Variants in ERICH3 observed in about 807,000 individuals in gnomAD.
ERICH3 encodes the protein glutamate-rich protein 3.
Under a neutral mutation model 131.1 loss-of-function variants are expected in ERICH3, and 126 were observed. That is an observed-to-expected ratio of 0.96 (90% CI 0.83 to 1.11). The LOEUF is 1.11. Among genes scored for constraint, ERICH3 ranks in the 50% most tolerant of loss-of-function variants. The probability of loss-of-function intolerance (pLI) is 0.00; values close to 1 mark genes in which losing one functional copy is unlikely to be tolerated. For missense variants in ERICH3, 2,050 were observed against 1,810.7 expected (o/e 1.13, Z -2.40); for synonymous variants, 695 against 644.6 (o/e 1.08, Z -1.18).
At chr1:74,614,760 T>C (rs1231086932) in intron 8 of ERICH3, among the ~76,000 whole-genome samples, 1 of 152,030 alleles carries the variant, frequency 6.6e-6, no homozygotes, top group East Asian at 1.9e-4. Context: ...CATTTATACC[T>C]TAGTATTTCT....
intron 7 of ERICH3, among the ~76,000 whole-genome samples, chr1:74,629,462 C>T (rs985127519): frequency 2.0e-5 from 3 of 152,098 alleles, no homozygotes; most frequent in Admixed American, 6.5e-5. Flanking sequence ...AGCCAGCATG[C>T]CTGATGACAC....
chr1:74,665,318 T>C (rs1282994148), intron 1 of ERICH3, among the ~76,000 whole-genome samples: 1 of 152,182 alleles, frequency 6.6e-6, no homozygotes, highest in African/African-American at 2.4e-5. Context: ...TAAAATTCTG[T>C]TGTTTCTAAG....
At chr1:74,657,853 T>G (rs1024597659) in intron 1 of ERICH3, among the ~76,000 whole-genome samples, 1 of 152,128 alleles carries the variant, frequency 6.6e-6, no homozygotes, top group Admixed American at 6.5e-5. Flanking sequence ...GTTACATCTT[T>G]GAACAGAAAA....
At chr1:74,641,635 T>C (rs920054165) in intron 4 of ERICH3, among the ~76,000 whole-genome samples, 176 bp from the exon 5 acceptor site, 6 of 152,120 alleles carry the variant, frequency 3.9e-5, no homozygotes, top group African/African-American at 1.4e-4. Flanking sequence ...TCGGCTTTAG[T>C]TGTGCTCAAA....
chr1:74,577,053 T>C (rs1380632288), intron 12 of ERICH3, 117 bp from the exon 13 acceptor site: 1 of 780,154 alleles, frequency 1.3e-6, no homozygotes, highest in Non-Finnish European at 2.0e-6. Flanking sequence ...TGTTCAACTA[T>C]CTGGGAGGCA....
At chr1:74,607,026 A>G (rs1570859416) in intron 9 of ERICH3, 124 bp from the exon 10 acceptor site, 1 of 683,218 alleles carries the variant, frequency 1.5e-6, no homozygotes, top group East Asian at 2.9e-5. Context: ...TTTTGATTAC[A>G]GTACACACTA....
chr1:74,629,238 A>G (rs1649511161), intron 7 of ERICH3, among the ~76,000 whole-genome samples: 2 of 152,096 alleles, frequency 1.3e-5, no homozygotes, highest in Admixed American at 1.3e-4. Flanking sequence ...AAATTGAAAA[A>G]AAAAACCTCT....
At chr1:74,577,851 A>G (rs1400228366) in intron 12 of ERICH3, among the ~76,000 whole-genome samples, 2 of 152,226 alleles carry the variant, frequency 1.3e-5, no homozygotes, top group Non-Finnish European at 2.9e-5. Flanking sequence ...TATGACACCA[A>G]TCATCACTGC....
At chr1:74,620,419 A>G (rs1052195981) in intron 8 of ERICH3, among the ~76,000 whole-genome samples, 2 of 152,204 alleles carry the variant, frequency 1.3e-5, no homozygotes, top group African/African-American at 4.8e-5. Context: ...TGGCAAGCCA[A>G]ATAGTTAACT....
rs774939345 is a variant in ERICH3, at chr1:74,571,249, A to G, written c.4461T>C (p.Ser1487=). ...GLSREGEREL[S]PESLQAMATL... ...TTGCCATCGCCTGTAGACTCTCCGG[A>G]CTCAATTCCCTCTCTCCCTCCCGTG... The change falls in exon 14 of 15, where the codon AGT becomes AGC. Residue 1487 remains serine (S), a synonymous_variant. Coordinates refer to ENST00000326665, the MANE Select transcript of ERICH3 (RefSeq NM_001002912.5). The G allele has an allele frequency of 7.4e-6, 12 of 1,613,552 alleles. No individual in the cohort carries two copies. The Admixed American group carries it at 1.7e-4, about 22-fold the overall frequency.
Position 74,673,608 on chromosome 1 carries a change from C to T in ERICH3, c.-89G>A. The T allele has an allele frequency of 1.4e-6, 2 of 1,469,910 alleles. No individual in the cohort carries two copies. The highest frequency in any genetic ancestry group is 1.9e-6 in the Non-Finnish European group (2 of 1,069,406). 91.1% of individuals were successfully genotyped at this position (1,469,910 alleles called of 1,614,324 possible). Reference sequence around the variant, plus strand: ...GCGCTGGCGCTGCGACAGTCGCGCTCGAGGGGTGGCTCCGCACCGAGGTCC... The same window carrying T: ...GCGCTGGCGCTGCGACAGTCGCGCTTGAGGGGTGGCTCCGCACCGAGGTCC... On this transcript the variant is annotated 5_prime_UTR_variant, in exon 1 of 15. Coordinates refer to ENST00000326665, the MANE Select transcript of ERICH3 (RefSeq NM_001002912.5).
intron 11 of ERICH3, among the ~76,000 whole-genome samples, chr1:74,598,980 C>T (rs1320167838): frequency 6.6e-6 from 1 of 151,976 alleles, no homozygotes; most frequent in East Asian, 1.9e-4. Flanking sequence ...ATAAGTTATT[C>T]ATACACGTAT....
At chr1:74,654,092 A>C (rs1177123178) in intron 1 of ERICH3, among the ~76,000 whole-genome samples, 1 of 152,080 alleles carries the variant, frequency 6.6e-6, no homozygotes, top group Admixed American at 6.6e-5. Flanking sequence ...AATGACCTTT[A>C]CCATCTGTAT....
At chr1:74,579,430 C>T in intron 12 of ERICH3, 1 of 985,336 alleles carries the variant, frequency 1.0e-6, no homozygotes, top group Non-Finnish European at 1.2e-6. Flanking sequence ...AGCTTGTAGT[C>T]CCTCTGTCTC....
intron 10 of ERICH3, among the ~76,000 whole-genome samples, chr1:74,604,345 G>A (rs1298801075): frequency 6.6e-6 from 1 of 151,822 alleles, no homozygotes; most frequent in Non-Finnish European, 1.5e-5. Context: ...CCACCTGTGA[G>A]GAATAAAATC....
intron 8 of ERICH3, among the ~76,000 whole-genome samples, chr1:74,618,937 T>C (rs1649095926): frequency 6.6e-6 from 1 of 152,216 alleles, no homozygotes. Context: ...CAGCTTTGAT[T>C]TGTAGAAAGG....
chr1:74,617,174 C>CAAAAAAAAAAAAAAAA (rs5775248), intron 8 of ERICH3, among the ~76,000 whole-genome samples: 1 of 138,260 alleles, frequency 7.2e-6, no homozygotes, highest in African/African-American at 2.6e-5. Context: ...AAAAAACAAA[C>CAAAAAAAAAAAAAAAA]AAAAAAAAAA....
chr1:74,573,926 T>A (rs576887750), intron 13 of ERICH3, among the ~76,000 whole-genome samples: 4 of 151,496 alleles, frequency 2.6e-5, no homozygotes, highest in Non-Finnish European at 5.9e-5. Flanking sequence ...GTGGAAAAAA[T>A]TATGCAATAA....
intron 1 of ERICH3, among the ~76,000 whole-genome samples, chr1:74,652,768 C>T (rs911879276): frequency 6.6e-6 from 1 of 152,108 alleles, no homozygotes; most frequent in Non-Finnish European, 1.5e-5. Flanking sequence ...CCATATTACT[C>T]GCAGGCTATG....
Sources: gnomAD v4.1 joint callset for allele counts (sites outside exome capture counted in the v4.1 genomes callset) on GRCh38, gnomAD v4.1.1 for gene constraint, MANE v1.5 for transcripts, NCBI Gene and HGNC (gene_info 2026-07-23, HGNC 2026-07-21) for gene names.